RUFY1: variants seen among roughly 807,000 people sequenced by gnomAD.
The protein encoded by RUFY1 is RUN and FYVE domain-containing protein 1.
Under a neutral mutation model 94.6 loss-of-function variants are expected in RUFY1, and 54 were observed. The observed-to-expected ratio is 0.57, with a 90% CI of 0.46 to 0.72. RUFY1 has a LOEUF of 0.72. Among genes scored for constraint, RUFY1 ranks in the 30% least tolerant of loss-of-function variants. RUFY1 has a pLI of 0.00. For synonymous variants in RUFY1, 396 were observed against 347.3 expected (o/e 1.14, Z -1.56); for missense variants, 883 against 883.9 (o/e 1.00, Z 0.01).
At chr5:179,552,164 C>CAAAAAAAAAAAAAAAAAAA in intron 1 of RUFY1, among the ~76,000 whole-genome samples, 1 of 73,454 alleles carries the variant, frequency 1.4e-5, no homozygotes, top group Non-Finnish European at 2.3e-5. Flanking sequence ...GACTCTGTCT[C>CAAAAAAAAAAAAAAAAAAA]AAAAAAAAAA....
At chr5:179,586,169 C>T (rs1329099808) in intron 8 of RUFY1, among the ~76,000 whole-genome samples, 7 of 152,184 alleles carry the variant, frequency 4.6e-5, no homozygotes, top group African/African-American at 1.7e-4. Flanking sequence ...CCGTGTCTTC[C>T]TCTTTTTCTG....
chr5:179,609,410 A>C lies in RUFY1; in HGVS notation c.2018A>C (p.Asn673Thr). 6.2e-7 allele frequency: 1 copy of C among 1,613,474 alleles called. No homozygotes were observed. ...CGGAACTGTGGCCACATCTTCTGCAACACCTGCTCCAGCAACGAGCTGGCC... is the reference window on the plus strand; with the variant it reads ...CGGAACTGTGGCCACATCTTCTGCACCACCTGCTCCAGCAACGAGCTGGCC... ...HCRNCGHIFCNTCSSNELALP... is the reference protein window; with the variant it reads ...HCRNCGHIFCTTCSSNELALP... The change falls in exon 18 of 18, where the codon AAC (asparagine) becomes ACC (threonine). Residue 673 changes from asparagine (N) to threonine (T), a missense_variant. Transcript: ENST00000319449.
chr5:179,560,450 T>C (rs947220694), intron 2 of RUFY1, among the ~76,000 whole-genome samples: 1 of 152,106 alleles, frequency 6.6e-6, no homozygotes, highest in Non-Finnish European at 1.5e-5. Flanking sequence ...CTGGGCGCGG[T>C]GGCTCACGCC....
rs755377652 is a variant in RUFY1 at position 179,598,693 on chromosome 5, T to A, written c.1633T>A (p.Ser545Thr). 1 of 1,613,798 alleles carries A rather than the reference T, an allele frequency of 6.2e-7. No homozygotes were observed. Among genetic ancestry groups the A allele is most frequent in the Non-Finnish European group, 8.5e-7 (1 of 1,179,976 alleles). Residue 545 changes from serine (S) to threonine (T), a missense_variant and splice_region_variant, in exon 14 of 18, where the codon TCA becomes ACA. By Grantham distance (58) the Ser-to-Thr change is moderately conservative. Coordinates refer to ENST00000319449, the MANE Select transcript of RUFY1 (RefSeq NM_025158.5). The part of the protein sequence containing the change: ...LQLSQLHEQC[S>T]SLEKELKSEK... ...CTCAAGTTCATTTTGGGAAAACAGC[T>A]CAAGCCTGGAGAAAGAATTGAAATC...
At chr5:179,584,224 G>T (rs1764420751) in intron 7 of RUFY1, among the ~76,000 whole-genome samples, 1 of 151,900 alleles carries the variant, frequency 6.6e-6, no homozygotes, top group Admixed American at 6.6e-5. Flanking sequence ...CTAAGCCTTG[G>T]TTCATTAGCC....
chr5:179,572,611 G>T, intron 5 of RUFY1: 1 of 219,224 alleles, frequency 4.6e-6, no homozygotes, highest in Non-Finnish European at 9.6e-6. Flanking sequence ...CCATGGATGA[G>T]GCTCTGCAGC....
At chr5:179,559,834 A>G (rs1248103524) in intron 1 of RUFY1, 191 bp from the exon 2 acceptor site, 3 of 1,352,846 alleles carry the variant, frequency 2.2e-6, no homozygotes, top group Non-Finnish European at 2.8e-6. Flanking sequence ...CCCGCCGTCC[A>G]GGTAGGGGGC....
rs561097197 is a variant in RUFY1, at chr5:179,609,661, C to T, written c.*142C>T. The T allele has an allele frequency of 2.1e-5, 16 of 779,822 alleles. No individual in the cohort carries two copies. Among genetic ancestry groups the T allele is most frequent in the African/African-American group, 8.9e-5 (5 of 56,164 alleles). The allele number at this position is 779,822 out of a possible 1,614,324, so 48.3% of individuals were successfully genotyped here. ...CGGTCACTGGCACTCCAGAAGACAGCGTGCCGGAACCGGCAGCTCTCACCT... is the reference window on the plus strand; with the variant it reads ...CGGTCACTGGCACTCCAGAAGACAGTGTGCCGGAACCGGCAGCTCTCACCT... On this transcript the variant is annotated 3_prime_UTR_variant, in exon 18 of 18. Transcript: ENST00000319449.
rs767195835 is a variant in RUFY1, at chr5:179,609,816, C to A, written c.*297C>A. On this transcript the variant is annotated 3_prime_UTR_variant, in exon 18 of 18. Transcript: ENST00000319449. ...ATTTTTCACTTTTCAAAGAATTTAACCTATTTTACAGCAGTTCAGTTCTGC... is the reference window on the plus strand; with the variant it reads ...ATTTTTCACTTTTCAAAGAATTTAAACTATTTTACAGCAGTTCAGTTCTGC... 5 of 313,098 alleles carry A rather than the reference C, an allele frequency of 1.6e-5. No homozygotes were observed. The highest frequency in any genetic ancestry group is 2.9e-5 in the Non-Finnish European group (5 of 169,756). 19.4% of individuals were successfully genotyped at this position (313,098 alleles called of 1,614,324 possible).
At position 179,560,034 on chromosome 5, in the gene RUFY1, G is replaced by T. The variant is rs146021243; in HGVS notation, c.320G>T (p.Cys107Phe). 1.9e-5 allele frequency: 31 copies of T among 1,613,460 alleles called. No homozygotes were observed. The East Asian group carries it at 6.7e-4, about 35-fold the overall frequency. ...TGCTCCTGCCCCACAGCTTCTAAGT[G>T]CCAGATGATGGAGGAGCGTGCCAAC... ...GDGTARAASK[C>F]QMMEERANLM... The change falls in exon 2 of 18, where the codon TGC becomes TTC. Residue 107 changes from cysteine (C) to phenylalanine (F), a missense_variant. Transcript: ENST00000319449.
chr5:179,578,205 G>C (rs143541846), intron 6 of RUFY1, among the ~76,000 whole-genome samples: 1 of 152,002 alleles, frequency 6.6e-6, no homozygotes, highest in Non-Finnish European at 1.5e-5. Context: ...TTTTAGATTT[G>C]TTTGTTTGTT....
chr5:179,569,150 G>T, intron 4 of RUFY1, 152 bp from the exon 5 acceptor site: 1 of 1,518,444 alleles, frequency 6.6e-7, no homozygotes, highest in South Asian at 1.3e-5. Flanking sequence ...AGCAGCCGTT[G>T]AAGCAGTGAA....
intron 1 of RUFY1, among the ~76,000 whole-genome samples, chr5:179,554,254 C>T (rs1044322909): frequency 4.6e-5 from 7 of 152,084 alleles, no homozygotes; most frequent in South Asian, 2.1e-4. Context: ...AATGTTGTCC[C>T]GGTCGGGTGC....
chr5:179,585,283 A>C (rs1309470644), intron 7 of RUFY1, among the ~76,000 whole-genome samples: 1 of 152,240 alleles, frequency 6.6e-6, no homozygotes, highest in South Asian at 2.1e-4. Flanking sequence ...CAGATGACTA[A>C]AAAAGAAATA....
In RUFY1 at chr5:179,596,655, G is replaced by T; in HGVS notation, c.1605G>T (p.Leu535=). 6.2e-7 allele frequency: 1 copy of T among 1,608,184 alleles called. No homozygotes were observed. Among genetic ancestry groups the T allele is most frequent in the Non-Finnish European group, 8.5e-7 (1 of 1,178,066 alleles). The change falls in exon 13 of 18, where the codon CTG becomes CTT. Residue 535 remains leucine (L), a synonymous_variant. Coordinates refer to ENST00000319449, the MANE Select transcript of RUFY1 (RefSeq NM_025158.5). ...ELGGRIGALQ[L]QLSQLHEQCS... ...GCGGGAGGATCGGCGCCCTGCAGCT[G>T]CAGCTCTCCCAGCTGCACGAGCAAT...
chr5:179,577,085 T>C lies in RUFY1; in HGVS notation c.839T>C (p.Ile280Thr). The C allele has an allele frequency of 2.5e-6, 4 of 1,602,668 alleles. No individual in the cohort carries two copies. Among genetic ancestry groups the C allele is most frequent in the Non-Finnish European group, 3.4e-6 (4 of 1,170,804 alleles). The part of the protein sequence containing the change: ...GEDLDSQVGV[I>T]DFSLYLKDVQ... ...TTTTATTTCGTTTAGGTTGGAGTAA[T>C]AGATTTTTCCCTCTACCTTAAGGAT... is the stretch of plus-strand genomic sequence containing the variant. The change falls in exon 6 of 18, where the codon ATA (isoleucine) becomes ACA (threonine). Residue 280 changes from isoleucine (I) to threonine (T), a missense_variant. Ile to Thr is a moderately conservative substitution (Grantham distance 89). Coordinates refer to ENST00000319449, the MANE Select transcript of RUFY1 (RefSeq NM_025158.5).
chr5:179,575,151 GT>G (rs1341165893), intron 5 of RUFY1, among the ~76,000 whole-genome samples: 2 of 150,864 alleles, frequency 1.3e-5, no homozygotes, highest in African/African-American at 2.4e-5. Flanking sequence ...CGTAGGTTTT[GT>G]TTTAAATTAA....
At chr5:179,564,781 T>C (rs1762708689) in intron 3 of RUFY1, among the ~76,000 whole-genome samples, 1 of 152,186 alleles carries the variant, frequency 6.6e-6, no homozygotes, top group South Asian at 2.1e-4. Flanking sequence ...TACAGAATGA[T>C]CTATTGCAGT....
At chr5:179,583,119 A>G (rs1764289543) in intron 7 of RUFY1, among the ~76,000 whole-genome samples, 2 of 151,768 alleles carry the variant, frequency 1.3e-5, no homozygotes, top group South Asian at 2.1e-4. Context: ...CCTGGCCAAC[A>G]TGGTGAAACC....
Sources: gnomAD v4.1 joint callset for allele counts (sites outside exome capture counted in the v4.1 genomes callset) on GRCh38, gnomAD v4.1.1 for gene constraint, MANE v1.5 for transcripts, NCBI Gene and HGNC (gene_info 2026-07-23, HGNC 2026-07-21) for gene names.